The following CAPZA2 variants were observed in gnomAD, a reference collection of about 807,000 sequenced individuals.
CAPZA2 encodes the protein F-actin-capping protein subunit alpha-2.
Under a neutral mutation model 44.0 loss-of-function variants are expected in CAPZA2, and 13 were observed. The observed-to-expected ratio is 0.30, with a 90% CI of 0.19 to 0.47. The LOEUF is 0.47. CAPZA2 is among the 20% of genes least tolerant of loss of function. The pLI, the probability that CAPZA2 is intolerant of heterozygous loss-of-function variation, is 1.00. For missense variants in CAPZA2, 244 were observed against 338.6 expected, an observed-to-expected ratio of 0.72 and a Z score of 2.19; for synonymous variants, 94 against 108.2, an observed-to-expected ratio of 0.87 and a Z score of 0.81.
intron 6 of CAPZA2, among the ~76,000 whole-genome samples, chr7:116,909,398 A>T (rs1250255052): frequency 2.0e-5 from 3 of 152,186 alleles, no homozygotes; most frequent in Admixed American, 6.5e-5. Flanking sequence ...CTACTCATCC[A>T]GAATTTTGTC....
intron 1 of CAPZA2, among the ~76,000 whole-genome samples, chr7:116,878,916 G>T (rs186737510): frequency 6.6e-6 from 1 of 151,348 alleles, no homozygotes; most frequent in East Asian, 1.9e-4. Context: ...TCACGAGGTC[G>T]GGAGTTTGAG....
intron 6 of CAPZA2, among the ~76,000 whole-genome samples, chr7:116,909,291 CATATTAGA>C (rs1169247372): frequency 1.3e-5 from 2 of 152,008 alleles, no homozygotes; most frequent in African/African-American, 4.8e-5. Context: ...AAAAAGCTAA[CATATTAGA>C]ATGTCCTTAG....
At chr7:116,871,939 C>T (rs973024412) in intron 1 of CAPZA2, among the ~76,000 whole-genome samples, 10 of 152,260 alleles carry the variant, frequency 6.6e-5, no homozygotes, top group African/African-American at 1.7e-4. Flanking sequence ...ACAAAATGAA[C>T]GCACAGGCTC....
At chr7:116,875,392 G>T (rs1020710816) in intron 1 of CAPZA2, 1 of 152,108 alleles carries the variant, frequency 6.6e-6, no homozygotes, top group Admixed American at 6.5e-5. Flanking sequence ...ACAGGTTGAG[G>T]AGTAGAAACA....
chr7:116,895,897 T>C (rs541191034), intron 3 of CAPZA2, among the ~76,000 whole-genome samples: 1 of 152,208 alleles, frequency 6.6e-6, no homozygotes, highest in Admixed American at 6.5e-5. Flanking sequence ...TCATCCCACT[T>C]AGTTCTGAAT....
intron 6 of CAPZA2, among the ~76,000 whole-genome samples, chr7:116,908,604 C>A (rs1195382078): frequency 2.0e-5 from 3 of 152,086 alleles, no homozygotes; most frequent in African/African-American, 7.2e-5. Flanking sequence ...TGAAATAGTT[C>A]TCAAATTGGT....
Position 116,904,297 on chromosome 7 carries a change from G to A in CAPZA2, c.340G>A (p.Glu114Lys). The change falls in exon 5 of 10, where the codon GAA becomes AAA. Residue 114 changes from glutamate (E) to lysine (K), a missense_variant. By Grantham distance (56) the Glu-to-Lys change is moderately conservative. Transcript: ENST00000361183. ...EATDPRPCEV[E>K]NAVESWRTSV... Reference sequence around the variant, plus strand: ...AACTGATCCAAGACCCTGTGAAGTAGAAAATGCAGTTGAATCATGGAGAAC... The same window carrying A: ...AACTGATCCAAGACCCTGTGAAGTAAAAAATGCAGTTGAATCATGGAGAAC... 1.9e-6 allele frequency: 3 copies of A among 1,613,394 alleles called. No individual in the cohort carries two copies. The highest frequency in any genetic ancestry group is 2.5e-6 in the Non-Finnish European group (3 of 1,179,354).
intron 1 of CAPZA2, among the ~76,000 whole-genome samples, chr7:116,887,576 A>T (rs1246431220): frequency 6.6e-6 from 1 of 152,214 alleles, no homozygotes; most frequent in Non-Finnish European, 1.5e-5. Context: ...TCACACCTGT[A>T]ATCCCAGCAC....
At chr7:116,880,369 T>C (rs1209517676) in intron 1 of CAPZA2, among the ~76,000 whole-genome samples, 3 of 152,154 alleles carry the variant, frequency 2.0e-5, no homozygotes, top group Non-Finnish European at 4.4e-5. Context: ...TGGCTCATTG[T>C]GAACTGCAGC....
chr7:116,903,179 CT>C (rs1394882864), intron 4 of CAPZA2, among the ~76,000 whole-genome samples: 1 of 151,450 alleles, frequency 6.6e-6, no homozygotes, highest in Non-Finnish European at 1.5e-5. Context: ...TATCACTTGA[CT>C]TTGAGGGATT....
At chr7:116,884,014 A>T (rs1796731395) in intron 1 of CAPZA2, among the ~76,000 whole-genome samples, 1 of 152,146 alleles carries the variant, frequency 6.6e-6, no homozygotes, top group African/African-American at 2.4e-5. Context: ...ACTTCAGTAT[A>T]AATACTTCCT....
chr7:116,904,064 A>T, intron 4 of CAPZA2, 113 bp from the exon 5 acceptor site: 2 of 653,458 alleles, frequency 3.1e-6, no homozygotes, highest in South Asian at 1.9e-5. Flanking sequence ...ATATGCTTGG[A>T]GTAGGATTGT....
chr7:116,913,934 C>T (rs1791632294), intron 8 of CAPZA2, among the ~76,000 whole-genome samples: 1 of 151,598 alleles, frequency 6.6e-6, no homozygotes, highest in Non-Finnish European at 1.5e-5. Flanking sequence ...TTAACAGTGA[C>T]ATTTTCTCAT....
intron 1 of CAPZA2, among the ~76,000 whole-genome samples, chr7:116,881,318 C>T (rs1796694888): frequency 6.6e-6 from 1 of 152,052 alleles, no homozygotes; most frequent in East Asian, 1.9e-4. Flanking sequence ...GAACTAAGTA[C>T]AAAGAGCAAA....
At chr7:116,897,509 T>C (rs1189878059) in intron 3 of CAPZA2, among the ~76,000 whole-genome samples, 1 of 152,114 alleles carries the variant, frequency 6.6e-6, no homozygotes, top group Admixed American at 6.6e-5. Flanking sequence ...GGCTTTCCTT[T>C]CTAGAGGAGA....
chr7:116,880,472 A>G (rs1283960319), intron 1 of CAPZA2, among the ~76,000 whole-genome samples: 1 of 151,178 alleles, frequency 6.6e-6, no homozygotes, highest in Admixed American at 6.6e-5. Flanking sequence ...ATCTCGGCTC[A>G]CTGCAACCTC....
At chr7:116,894,695 T>C (rs1163918644) in intron 3 of CAPZA2, among the ~76,000 whole-genome samples, 1 of 152,218 alleles carries the variant, frequency 6.6e-6, no homozygotes, top group East Asian at 1.9e-4. Context: ...GCAACCATTA[T>C]TCAACTACCT....
intron 1 of CAPZA2, among the ~76,000 whole-genome samples, chr7:116,882,487 T>C (rs915113774): frequency 3.3e-5 from 5 of 152,108 alleles, no homozygotes; most frequent in Non-Finnish European, 7.4e-5. Flanking sequence ...TATTTTTTTT[T>C]ACAAAAAAGT....
chr7:116,901,539 T>G (rs1585011610), intron 4 of CAPZA2, among the ~76,000 whole-genome samples: 1 of 151,890 alleles, frequency 6.6e-6, no homozygotes, highest in Non-Finnish European at 1.5e-5. Flanking sequence ...AGGGAGAGGA[T>G]CAGGAAAAAT....
Sources: gnomAD v4.1 joint callset for allele counts (sites outside exome capture counted in the v4.1 genomes callset) on GRCh38, gnomAD v4.1.1 for gene constraint, MANE v1.5 for transcripts, NCBI Gene and HGNC (gene_info 2026-07-23, HGNC 2026-07-21) for gene names.